Variants in PKP4 observed in about 807,000 individuals in gnomAD.
PKP4 encodes the protein plakophilin 4, also known as plakophilin-4.
Under a neutral mutation model 145.1 loss-of-function variants are expected in PKP4, and 90 were observed. The ratio of observed to expected loss-of-function variants is 0.62; its 90% CI spans 0.52 to 0.74. PKP4 has a LOEUF of 0.74. PKP4 is among the 30% of genes least tolerant of loss of function. PKP4 has a pLI of 0.00. For missense variants in PKP4, 1,340 were observed against 1,482.7 expected (o/e 0.90, Z 1.58); for synonymous variants, 563 against 577.2 (o/e 0.98, Z 0.35).
At chr2:158,551,993 G>A (rs186608859) in intron 2 of PKP4, among the ~76,000 whole-genome samples, 4 of 152,270 alleles carry the variant, frequency 2.6e-5, no homozygotes, top group African/African-American at 4.8e-5. Context: ...GCCTATAAAC[G>A]TTATCTTATT....
At chr2:158,493,051 C>A (rs1203199698) in intron 1 of PKP4, among the ~76,000 whole-genome samples, 1 of 151,724 alleles carries the variant, frequency 6.6e-6, no homozygotes, top group African/African-American at 2.4e-5. Flanking sequence ...GTCCTTTGAC[C>A]CCCTTGTCTC....
intron 2 of PKP4, among the ~76,000 whole-genome samples, chr2:158,552,952 G>A (rs972454315): frequency 6.6e-6 from 1 of 152,152 alleles, no homozygotes; most frequent in Non-Finnish European, 1.5e-5. Flanking sequence ...TAAAAGATGC[G>A]ATAGCCACAG....
At chr2:158,674,213 C>T (rs1036677566) in intron 19 of PKP4, among the ~76,000 whole-genome samples, 1 of 152,190 alleles carries the variant, frequency 6.6e-6, no homozygotes, top group Non-Finnish European at 1.5e-5. Context: ...TCAGCAACAG[C>T]GCCCCAGGCC....
chr2:158,675,281 T>C (rs191424954), intron 19 of PKP4, among the ~76,000 whole-genome samples: 1 of 152,158 alleles, frequency 6.6e-6, no homozygotes, highest in African/African-American at 2.4e-5. Flanking sequence ...CAACACAAAT[T>C]TGTAAATTTT....
chr2:158,549,102 A>G (rs2045351870), intron 2 of PKP4: 1 of 199,008 alleles, frequency 5.0e-6, no homozygotes, highest in South Asian at 1.0e-4. Flanking sequence ...GACCAATTAC[A>G]ATGATAGATA....
intron 3 of PKP4, among the ~76,000 whole-genome samples, chr2:158,599,188 C>A (rs2050025210): frequency 6.6e-6 from 1 of 152,104 alleles, no homozygotes. Context: ...GGAAGAGAGC[C>A]TGGCAGGATG....
intron 2 of PKP4, among the ~76,000 whole-genome samples, chr2:158,535,610 G>A (rs543743961): frequency 2.0e-5 from 3 of 152,164 alleles, no homozygotes; most frequent in East Asian, 1.9e-4. Flanking sequence ...GTAGAGATGG[G>A]GGTCTCACTA....
chr2:158,464,371 G>T (rs1385829511), intron 1 of PKP4, among the ~76,000 whole-genome samples: 1 of 152,156 alleles, frequency 6.6e-6, no homozygotes, highest in Non-Finnish European at 1.5e-5. Flanking sequence ...TTCATGAGGA[G>T]AATTTTTTAC....
At chr2:158,496,736 C>T (rs1695768199) in intron 1 of PKP4, among the ~76,000 whole-genome samples, 1 of 150,798 alleles carries the variant, frequency 6.6e-6, no homozygotes, top group African/African-American at 2.4e-5. Flanking sequence ...CTTTCGCTCT[C>T]ACTCTCTCTC....
Position 158,642,538 on chromosome 2 carries a change from T to G in PKP4, c.1748T>G (p.Val583Gly), listed in dbSNP as rs748248114. 1 of 1,613,330 alleles carries G rather than the reference T, an allele frequency of 6.2e-7. No homozygotes were observed. Among genetic ancestry groups the G allele is most frequent in the Non-Finnish European group, 8.5e-7 (1 of 1,179,458 alleles). Residue 583 changes from valine to glycine, a missense_variant, in exon 11 of 22, where the codon GTT becomes GGT. Val to Gly is a moderately radical substitution (Grantham distance 109, BLOSUM62 -3). Coordinates refer to ENST00000389759, the MANE Select transcript of PKP4 (RefSeq NM_003628.6). ...KHLVDLLDHR[V>G]LEVQKNACGA... ...CTGGTTGACCTTCTGGACCACAGAGTTTTGGAAGTTCAGAAGAATGCTTGT... is the reference window on the plus strand; with the variant it reads ...CTGGTTGACCTTCTGGACCACAGAGGTTTGGAAGTTCAGAAGAATGCTTGT...
intron 1 of PKP4, among the ~76,000 whole-genome samples, chr2:158,519,877 T>A (rs1189278962): frequency 6.6e-6 from 1 of 152,136 alleles, no homozygotes; most frequent in Non-Finnish European, 1.5e-5. Context: ...CTCCATCCTA[T>A]CTTTGTATAC....
chr2:158,600,967 C>A (rs1042868134), intron 3 of PKP4, among the ~76,000 whole-genome samples: 1 of 152,100 alleles, frequency 6.6e-6, no homozygotes. Context: ...TGTTACACAA[C>A]GAGGTTGCTG....
At chr2:158,489,093 C>T (rs1694574968) in intron 1 of PKP4, among the ~76,000 whole-genome samples, 1 of 152,074 alleles carries the variant, frequency 6.6e-6, no homozygotes. Context: ...ATCCAGAAAT[C>T]CAATATTTTA....
chr2:158,603,496 T>A (rs1240121602), intron 4 of PKP4, among the ~76,000 whole-genome samples: 1 of 152,218 alleles, frequency 6.6e-6, no homozygotes, highest in Non-Finnish European at 1.5e-5. Flanking sequence ...TTCATTTTTT[T>A]AATGTATCCA....
At chr2:158,583,661 A>AC (rs1035389299) in intron 3 of PKP4, among the ~76,000 whole-genome samples, 28 of 151,460 alleles carry the variant, frequency 1.8e-4, no homozygotes, top group African/African-American at 6.6e-4. Flanking sequence ...ATTTTCATGA[A>AC]CCCCCCTAAA....
In PKP4 at chr2:158,669,423, G is replaced by A. The variant is rs372381044; in HGVS notation, c.2729-297G>A. On this transcript the variant is annotated intron_variant, in intron 16 of 21. Transcript: ENST00000389759. The stretch of plus-strand genomic sequence containing the variant: ...TCAATGTTACTGAAAATACTCGAAC[G>A]AAAGTAACTTGATTTGTCTACCCAA... 2.0e-4 allele frequency: 45 copies of A among 223,984 alleles called. 2 individuals are homozygous for A. The South Asian group carries it at 2.5e-3, about 13-fold the overall frequency. 13.9% of individuals were successfully genotyped at this position (223,984 alleles called of 1,614,324 possible).
intron 1 of PKP4, among the ~76,000 whole-genome samples, chr2:158,494,877 AT>A (rs112070193): frequency 0.23 from 34,359 of 148,340 alleles, 4,028 homozygotes; most frequent in Middle Eastern, 0.34. Flanking sequence ...TCATTGCTCT[AT>A]TTTTTTTTTT....
At chr2:158,587,242 A>G (rs1342678514) in intron 3 of PKP4, among the ~76,000 whole-genome samples, 4 of 152,182 alleles carry the variant, frequency 2.6e-5, no homozygotes, top group African/African-American at 9.6e-5. Context: ...TTAAAAATTC[A>G]GAGGCCCATA....
chr2:158,627,650 A>AATATATATATATAT (rs3836167), intron 7 of PKP4, among the ~76,000 whole-genome samples: 1,792 of 147,548 alleles, frequency 0.012, 18 homozygotes, highest in East Asian at 0.03. Context: ...AAACTACAGA[A>AATATATATATATAT]ATATATATAT....
Sources: gnomAD v4.1 joint callset for allele counts (sites outside exome capture counted in the v4.1 genomes callset) on GRCh38, gnomAD v4.1.1 for gene constraint, MANE v1.5 for transcripts, NCBI Gene and HGNC (gene_info 2026-07-23, HGNC 2026-07-21) for gene names.